Variants in DACH2 observed in about 807,000 individuals in gnomAD.
DACH2 encodes dachshund homolog 2.
A neutral mutation model predicts 35.8 loss-of-function variants in DACH2; 17 were observed. The ratio of observed to expected loss-of-function variants is 0.48; its 90% CI spans 0.33 to 0.71. The LOEUF (loss-of-function observed/expected upper bound fraction) is 0.71, where lower values mean the gene tolerates loss of function less well. Among genes scored for constraint, DACH2 ranks in the 30% least tolerant of loss-of-function variants. DACH2 has a pLI of 0.02. For missense variants in DACH2, 469 were observed against 472.7 expected (o/e 0.99, Z 0.07); for synonymous variants, 195 against 177.3 (o/e 1.10, Z -0.79).
chrX:86,206,291 A>G (rs2032310656), intron 1 of DACH2, among the ~76,000 whole-genome samples: 1 of 110,961 alleles, frequency 9.0e-6, no homozygotes, highest in Non-Finnish European at 1.9e-5. Flanking sequence ...GAAAAAAAAA[A>G]AGAAACTAGG....
At chrX:86,740,849 T>C (rs1304464722) in intron 7 of DACH2, among the ~76,000 whole-genome samples, 4 of 110,899 alleles carry the variant, frequency 3.6e-5, no homozygotes, top group African/African-American at 9.8e-5. Context: ...GCAATAAAAA[T>C]TACTCTTCTC....
intron 5 of DACH2, among the ~76,000 whole-genome samples, chrX:86,700,595 A>G (rs1309070365): frequency 9.0e-6 from 1 of 110,760 alleles, no homozygotes; most frequent in Non-Finnish European, 1.9e-5. Flanking sequence ...AACATAAACC[A>G]CTAACTAGAC....
At chrX:86,164,496 G>A (rs941163102) in intron 1 of DACH2, among the ~76,000 whole-genome samples, 1 of 111,308 alleles carries the variant, frequency 9.0e-6, no homozygotes, top group Non-Finnish European at 1.9e-5. Flanking sequence ...TCTTTGTCAT[G>A]AAATCTTTGC....
Position 86,813,279 on chromosome X carries a change from T to G in DACH2, c.1537+2T>G, listed in dbSNP as rs1257780191. On this transcript the variant is annotated splice_donor_variant, in intron 9 of 11. Coordinates refer to ENST00000373125, the MANE Select transcript of DACH2 (RefSeq NM_053281.3). LOFTEE classifies it high-confidence loss of function. ...TTGCAGTTGAGCTTCAAAGCAGAAG[T>G]AAGTTTTACAAGTTCAATTACAGAG... 2.5e-6 allele frequency: 3 copies of G among 1,187,940 alleles called. No homozygotes were observed. The highest frequency in any genetic ancestry group is 3.4e-6 in the Non-Finnish European group (3 of 886,516).
At chrX:86,532,226 TTAAGATTTTGGGG>T (rs2038732157) in intron 3 of DACH2, among the ~76,000 whole-genome samples, 1 of 111,716 alleles carries the variant, frequency 9.0e-6, no homozygotes, top group African/African-American at 3.3e-5. Flanking sequence ...CTGGAATGAG[TTAAGATTTTGGGG>T]TACTGTTGGG....
chrX:86,703,200 A>AT (rs2041164280), intron 5 of DACH2, among the ~76,000 whole-genome samples: 2 of 110,180 alleles, frequency 1.8e-5, no homozygotes, highest in Admixed American at 9.7e-5. Context: ...GCAGAAAAAA[A>AT]TTCAATGAAA....
chrX:86,826,437 C>A (rs1157285906), intron 11 of DACH2, among the ~76,000 whole-genome samples: 2 of 110,201 alleles, frequency 1.8e-5, no homozygotes, highest in African/African-American at 6.6e-5. Context: ...TTTCAAGAAA[C>A]CTCTGTTTTT....
chrX:86,370,022 T>C (rs893191455), intron 1 of DACH2, among the ~76,000 whole-genome samples: 39 of 111,751 alleles, frequency 3.5e-4, no homozygotes, highest in African/African-American at 1.3e-3. Context: ...TTCATCTCAG[T>C]TGACAAATAT....
intron 1 of DACH2, among the ~76,000 whole-genome samples, chrX:86,253,881 G>A (rs1489506958): frequency 8.9e-6 from 1 of 111,930 alleles, no homozygotes; most frequent in Non-Finnish European, 1.9e-5. Flanking sequence ...GAAAGGAAGT[G>A]ACACAGATAT....
chrX:86,250,862 A>G (rs1289711245), intron 1 of DACH2, among the ~76,000 whole-genome samples: 1 of 111,413 alleles, frequency 9.0e-6, no homozygotes, highest in Non-Finnish European at 1.9e-5. Flanking sequence ...AGGTAAGTGG[A>G]GCATTAACAA....
intron 1 of DACH2, among the ~76,000 whole-genome samples, chrX:86,368,427 A>G (rs1248438578): frequency 9.0e-6 from 1 of 111,722 alleles, no homozygotes; most frequent in East Asian, 2.8e-4. Context: ...ATAAATATTG[A>G]ACTAAGAATC....
At chrX:86,347,925 T>G (rs1268524214) in intron 1 of DACH2, among the ~76,000 whole-genome samples, 1 of 112,208 alleles carries the variant, frequency 8.9e-6, no homozygotes, top group African/African-American at 3.2e-5. Context: ...GCAGATCTTA[T>G]TTTCCCTCTC....
intron 1 of DACH2, among the ~76,000 whole-genome samples, chrX:86,329,848 G>T (rs2035181058): frequency 8.9e-6 from 1 of 111,855 alleles, no homozygotes; most frequent in Non-Finnish European, 1.9e-5. Context: ...TGCGGACATT[G>T]ATCTGAGTGT....
intron 3 of DACH2, among the ~76,000 whole-genome samples, chrX:86,520,565 G>C (rs991925495): frequency 1.8e-5 from 2 of 111,616 alleles, no homozygotes; most frequent in East Asian, 5.6e-4. Context: ...CCAAGAACTT[G>C]TTTTATGAAT....
chrX:86,526,544 T>G (rs1038623397), intron 3 of DACH2, among the ~76,000 whole-genome samples: 2 of 111,553 alleles, frequency 1.8e-5, no homozygotes, highest in African/African-American at 6.5e-5. Flanking sequence ...TAGGAAAAAT[T>G]CTGAGAGCTC....
intron 2 of DACH2, among the ~76,000 whole-genome samples, chrX:86,482,997 G>A (rs1298029739): frequency 9.5e-6 from 1 of 104,878 alleles, no homozygotes; most frequent in African/African-American, 3.5e-5. Context: ...TTGTGGGGTG[G>A]GGGGGAGGGA....
At chrX:86,813,543 C>T (rs1274139587) in intron 9 of DACH2, among the ~76,000 whole-genome samples, 3 of 107,165 alleles carry the variant, frequency 2.8e-5, no homozygotes, top group South Asian at 8.3e-4. Context: ...ACCCGGGAGG[C>T]GGAGGTTGCA....
intron 1 of DACH2, among the ~76,000 whole-genome samples, chrX:86,359,087 G>A (rs4828380): frequency 0.13 from 4,666 of 35,475 alleles, 117 homozygotes; most frequent in East Asian, 0.61. Flanking sequence ...ATTTTGTCGT[G>A]TGTGTGTGTG....
At chrX:86,610,109 T>C (rs2039910606) in intron 3 of DACH2, among the ~76,000 whole-genome samples, 1 of 111,820 alleles carries the variant, frequency 8.9e-6, no homozygotes, top group South Asian at 3.7e-4. Context: ...AGGGACTAGC[T>C]AGGGACTAGA....
Sources: allele counts gnomAD v4.1 joint callset (sites outside exome capture counted in the v4.1 genomes callset), GRCh38; gene constraint gnomAD v4.1.1; transcripts MANE v1.5; gene names NCBI Gene and HGNC (gene_info 2026-07-23, HGNC 2026-07-21).